TWIST2: variants seen among roughly 807,000 people sequenced by gnomAD.
TWIST2 encodes twist family bHLH transcription factor 2, also known as twist-related protein 2.
TWIST2 carries 1 observed loss-of-function variant against 11.6 expected under a neutral mutation model. The ratio of observed to expected loss-of-function variants is 0.09; its 90% confidence interval spans 0.03 to 0.41. The LOEUF (loss-of-function observed/expected upper bound fraction) is 0.41, where lower values mean the gene tolerates loss of function less well. TWIST2 is among the 10% of genes least tolerant of loss of function. The pLI is 0.98. For missense variants in TWIST2, 168 were observed against 226.4 expected, an observed-to-expected ratio of 0.74 and a Z score of 1.66; for synonymous variants, 87 against 96.6, an observed-to-expected ratio of 0.90 and a Z score of 0.58.
intron 1 of TWIST2, among the ~76,000 whole-genome samples, chr2:238,860,006 C>T (rs1692403335): frequency 6.6e-6 from 1 of 152,184 alleles, no homozygotes; most frequent in Admixed American, 6.5e-5. Flanking sequence ...GAGCATTTGC[C>T]ATATCTGTAG....
chr2:238,870,544 C>A (rs1359194812), intron 1 of TWIST2, among the ~76,000 whole-genome samples: 1 of 129,884 alleles, frequency 7.7e-6, no homozygotes, highest in Non-Finnish European at 1.6e-5. Context: ...CTACATACCC[C>A]ACACACCCCA....
chr2:238,897,665 A>G (rs1394531204), intron 1 of TWIST2, among the ~76,000 whole-genome samples: 1 of 152,182 alleles, frequency 6.6e-6, no homozygotes, highest in Non-Finnish European at 1.5e-5. Context: ...CCGTGAAAGC[A>G]GCACTCTGCA....
intron 1 of TWIST2, among the ~76,000 whole-genome samples, chr2:238,902,615 A>G (rs950685308): frequency 0.51 from 72,521 of 142,280 alleles, 18,451 homozygotes; most frequent in African/African-American, 0.64. Context: ...TGAGTTGTGC[A>G]TGATGTGAGG....
chr2:238,859,724 T>G (rs560919453), intron 1 of TWIST2, among the ~76,000 whole-genome samples: 1 of 152,222 alleles, frequency 6.6e-6, no homozygotes, highest in African/African-American at 2.4e-5. Flanking sequence ...TCAGCACTTA[T>G]CCAACTCTTC....
chr2:238,866,180 G>T lies in TWIST2; in HGVS notation c.*35+17447G>T, dbSNP rs558914385. Among the ~76,000 whole-genome samples, 3 of 152,190 alleles carry T rather than the reference G, an allele frequency of 2.0e-5. No individual in the cohort carries two copies. The highest frequency in any genetic ancestry group is 7.2e-5 in the African/African-American group (3 of 41,446). ...GCCAGGCCTGCCAGGCACCGCCCAG[G>T]TTCCCCATGGCACGGGCCCTGCCTG... On this transcript the variant is annotated intron_variant, in intron 1 of 1. Transcript: ENST00000612363. The surrounding 1 kb of genome is among the most constrained non-coding windows in gnomAD (Gnocchi z 4.9).
chr2:238,893,334 A>T (rs1011432213), intron 1 of TWIST2, among the ~76,000 whole-genome samples: 1 of 152,220 alleles, frequency 6.6e-6, no homozygotes, highest in Non-Finnish European at 1.5e-5. Flanking sequence ...GATTAATTTG[A>T]AGGACTAAAA....
chr2:238,850,941 C>T (rs947612578), intron 1 of TWIST2, among the ~76,000 whole-genome samples: 2 of 152,170 alleles, frequency 1.3e-5, no homozygotes, highest in East Asian at 1.9e-4. Context: ...TTATCAGGCA[C>T]GTTAGGCAGA....
chr2:238,866,530 G>T lies in TWIST2; in HGVS notation c.*35+17797G>T, dbSNP rs866608799. Among the ~76,000 whole-genome samples the T allele has an allele frequency of 1.3e-5, 2 of 152,204 alleles. No homozygotes were observed. The highest frequency in any genetic ancestry group is 4.8e-5 in the African/African-American group (2 of 41,452). ...AAATTAGCTGGGCATGGTGGTGTGT[G>T]CCTGTAATCCCAGCTACCTGGGAGG... is the stretch of plus-strand genomic sequence containing the variant. On this transcript the variant is annotated intron_variant, in intron 1 of 1. Coordinates refer to ENST00000612363, the MANE Select transcript of TWIST2 (RefSeq NM_001271893.4). The surrounding 1 kb of genome is among the most constrained non-coding windows in gnomAD (Gnocchi z 4.9).
At chr2:238,870,790 AACCACACACCCCATGCACAC>A (rs1692672429) in intron 1 of TWIST2, among the ~76,000 whole-genome samples, 1 of 17,866 alleles carries the variant, frequency 5.6e-5, no homozygotes, top group East Asian at 1.1e-3. Flanking sequence ...ACTACACACA[AACCACACACCCCATGCACAC>A]ACCACACACC....
chr2:238,853,656 C>A (rs1692283565), intron 1 of TWIST2, among the ~76,000 whole-genome samples: 1 of 152,120 alleles, frequency 6.6e-6, no homozygotes, highest in Non-Finnish European at 1.5e-5. Context: ...GAATTTTAAG[C>A]TCTTGTAAAC....
intron 1 of TWIST2, among the ~76,000 whole-genome samples, chr2:238,899,022 G>A (rs1430642905): frequency 6.6e-6 from 1 of 152,262 alleles, no homozygotes. Context: ...GCTGCCATCT[G>A]TGCCCTGCTG....
chr2:238,881,789 A>G (rs1243175691), intron 1 of TWIST2, among the ~76,000 whole-genome samples: 1 of 152,120 alleles, frequency 6.6e-6, no homozygotes, highest in Non-Finnish European at 1.5e-5. Flanking sequence ...ATCCCTACAT[A>G]AGGAAATGTT....
intron 1 of TWIST2, among the ~76,000 whole-genome samples, chr2:238,894,698 G>GCTGTGCCTCCCATCTCTGC (rs1693187307): frequency 6.6e-6 from 1 of 150,580 alleles, no homozygotes; most frequent in Non-Finnish European, 1.5e-5. Flanking sequence ...CACCTTCCTG[G>GCTGTGCCTCCCATCTCTGC]CTGTGCCTCC....
intron 1 of TWIST2, among the ~76,000 whole-genome samples, chr2:238,852,056 A>G (rs1009373460): frequency 1.3e-5 from 2 of 152,094 alleles, no homozygotes; most frequent in African/African-American, 4.8e-5. Flanking sequence ...GAGCTGAACC[A>G]TGTTCTTGTC....
chr2:238,909,456 C>T (rs1693415820), intron 1 of TWIST2, among the ~76,000 whole-genome samples: 2 of 152,276 alleles, frequency 1.3e-5, no homozygotes, highest in African/African-American at 2.4e-5. Context: ...ACGGGGCCAA[C>T]GTGCCGAGCC....
At chr2:238,897,312 C>T (rs998538034) in intron 1 of TWIST2, among the ~76,000 whole-genome samples, 9 of 152,214 alleles carry the variant, frequency 5.9e-5, no homozygotes, top group South Asian at 2.1e-4. Flanking sequence ...GTCCTCCGCG[C>T]GCCCCCCTGC....
chr2:238,856,611 A>G (rs1238623160), intron 1 of TWIST2, among the ~76,000 whole-genome samples: 1 of 152,194 alleles, frequency 6.6e-6, no homozygotes, highest in Non-Finnish European at 1.5e-5. Flanking sequence ...GAATTTCACA[A>G]GGGATCAGGG....
chr2:238,896,892 C>T (rs1264975609), intron 1 of TWIST2, among the ~76,000 whole-genome samples: 4 of 152,172 alleles, frequency 2.6e-5, no homozygotes, highest in East Asian at 1.9e-4. Context: ...CAGACAGAGA[C>T]AAGGGGGTCC....
At chr2:238,861,021 C>A (rs1692424886) in intron 1 of TWIST2, among the ~76,000 whole-genome samples, 1 of 152,194 alleles carries the variant, frequency 6.6e-6, no homozygotes, top group Admixed American at 6.5e-5. Flanking sequence ...AAAGAGGAAG[C>A]CACCAGGGAG....
Sources: allele counts gnomAD v4.1 joint callset (sites outside exome capture counted in the v4.1 genomes callset), GRCh38; gene constraint gnomAD v4.1.1; non-coding constraint Gnocchi (gnomAD v3.1); transcripts MANE v1.5; gene names NCBI Gene and HGNC (gene_info 2026-07-23, HGNC 2026-07-21).